The following TOX variants were observed in gnomAD, a reference collection of about 807,000 sequenced individuals.
TOX encodes thymocyte selection associated high mobility group box, also known as thymocyte selection-associated high mobility group box protein TOX.
TOX carries 11 observed loss-of-function variants against 53.7 expected under a neutral mutation model. That is an observed-to-expected ratio of 0.20 (90% CI 0.13 to 0.34). The LOEUF is 0.34. TOX is among the 10% of genes least tolerant of loss of function. TOX has a pLI of 1.00. For missense variants in TOX, 570 were observed against 664.6 expected (o/e 0.86, Z 1.56); for synonymous variants, 225 against 245.3 (o/e 0.92, Z 0.77).
In TOX at chr8:59,005,529, A is replaced by G. The variant is rs1190821669; in HGVS notation, c.103-45521T>C. 2.0e-5 allele frequency among the ~76,000 whole-genome samples: 3 copies of G among 152,348 alleles called. No homozygotes were observed. The East Asian group carries it at 5.8e-4, about 29-fold the overall frequency. On this transcript the variant is annotated intron_variant, in intron 1 of 8. Coordinates refer to ENST00000361421, the MANE Select transcript of TOX (RefSeq NM_014729.3). Reference sequence around the variant, plus strand: ...GGGATTTTACTTATCACACTGTTACATTTGTTAAAATAGTAGCACATTAAC... The same window carrying G: ...GGGATTTTACTTATCACACTGTTACGTTTGTTAAAATAGTAGCACATTAAC...
rs573519589 is a variant in TOX at position 58,912,591 on chromosome 8, A to C, written c.411+26711T>G. On this transcript the variant is annotated intron_variant, in intron 3 of 8. Transcript: ENST00000361421. ...TCCCAACAACCAGAATTTCTGATTG[A>C]AAAGGTCTGGGATAGGACCTAAGAA... Among the ~76,000 whole-genome samples, 5 of 152,374 alleles carry C rather than the reference A, an allele frequency of 3.3e-5. No individual in the cohort carries two copies. The South Asian group carries it at 1.0e-3, about 32-fold the overall frequency.
rs2129163551 is a variant in TOX, at chr8:58,808,333, A to G, written c.1393-64T>C. The G allele has an allele frequency of 2.6e-6, 4 of 1,544,906 alleles. No homozygotes were observed. The Admixed American group carries it at 7.7e-5, about 30-fold the overall frequency. ...GCATTTTAAGAAGAAAAGCACCTAA[A>G]TATTTATTCATTCTTTGCAGACACA... On this transcript the variant is annotated intron_variant, in intron 7 of 8. Coordinates refer to ENST00000361421, the MANE Select transcript of TOX (RefSeq NM_014729.3).
intron 1 of TOX, among the ~76,000 whole-genome samples, chr8:59,018,085 T>G (rs952782099): frequency 5.9e-5 from 9 of 152,154 alleles, no homozygotes; most frequent in African/African-American, 2.2e-4. Context: ...TTACTTTTAT[T>G]TAGGACCATA....
chr8:58,839,351 C>T (rs547012474), intron 4 of TOX, among the ~76,000 whole-genome samples: 6 of 152,164 alleles, frequency 3.9e-5, no homozygotes, highest in Admixed American at 6.5e-5. Flanking sequence ...TCGGAGAGTG[C>T]ACCTCCAGAA....
chr8:59,050,917 G>T (rs1803777680), intron 1 of TOX, among the ~76,000 whole-genome samples: 1 of 152,124 alleles, frequency 6.6e-6, no homozygotes, highest in African/African-American at 2.4e-5. Context: ...TTGCTTTGAA[G>T]ATCAATTATT....
chr8:58,993,622 C>A (rs540846660), intron 1 of TOX, among the ~76,000 whole-genome samples: 1 of 152,278 alleles, frequency 6.6e-6, no homozygotes, highest in South Asian at 2.1e-4. Flanking sequence ...AGAGGTAAGA[C>A]CTGATGGAGC....
At chr8:58,976,136 A>G (rs1038699467) in intron 1 of TOX, among the ~76,000 whole-genome samples, 1 of 152,154 alleles carries the variant, frequency 6.6e-6, no homozygotes, top group African/African-American at 2.4e-5. Context: ...ATTTCTCTGC[A>G]GCATGTGATG....
chr8:58,851,299 T>C lies in TOX; in HGVS notation c.693+225A>G, dbSNP rs1229557754. Among the ~76,000 whole-genome samples the C allele has an allele frequency of 6.6e-6, 1 of 152,050 alleles. No homozygotes were observed. The highest frequency in any genetic ancestry group is 1.5e-5 in the Non-Finnish European group (1 of 68,018). ...ACCTTCTGTGGGCACAAACAACTTT[T>C]ACGCTTAACACATCTATATTTAAAG... is the stretch of plus-strand genomic sequence containing the variant. On this transcript the variant is annotated intron_variant, in intron 4 of 8. Transcript: ENST00000361421. The surrounding 1 kb of genome is among the most constrained non-coding windows in gnomAD (Gnocchi z 4.4).
At chr8:58,827,337 A>G (rs1384499397) in intron 5 of TOX, among the ~76,000 whole-genome samples, 5 of 152,206 alleles carry the variant, frequency 3.3e-5, no homozygotes, top group African/African-American at 4.8e-5. Context: ...GACAGAATTT[A>G]GAGATGACAA....
intron 3 of TOX, among the ~76,000 whole-genome samples, chr8:58,859,836 C>T (rs554297380): frequency 6.6e-6 from 1 of 152,244 alleles, no homozygotes; most frequent in Admixed American, 6.5e-5. Context: ...GGCTAAAAAC[C>T]ATGTCACCAG....
chr8:59,108,704 C>T (rs1243291063), intron 1 of TOX, among the ~76,000 whole-genome samples: 2 of 150,042 alleles, frequency 1.3e-5, no homozygotes, highest in African/African-American at 5.0e-5. Context: ...ACAAGGTTAT[C>T]AAAAGAGTAA....
chr8:58,979,793 A>G (rs956919750), intron 1 of TOX, among the ~76,000 whole-genome samples: 2 of 152,184 alleles, frequency 1.3e-5, no homozygotes, highest in Admixed American at 6.5e-5. Flanking sequence ...TCTACCTCTT[A>G]CTATGTATGT....
At chr8:59,070,395 T>A (rs1461147789) in intron 1 of TOX, among the ~76,000 whole-genome samples, 4 of 152,106 alleles carry the variant, frequency 2.6e-5, no homozygotes, top group South Asian at 4.2e-4. Flanking sequence ...TATCTATGCT[T>A]CTATTTATCA....
intron 3 of TOX, among the ~76,000 whole-genome samples, chr8:58,873,427 C>A (rs1317057689): frequency 1.3e-5 from 2 of 152,120 alleles, no homozygotes; most frequent in Admixed American, 6.6e-5. Context: ...AGTTTCATAT[C>A]TGTTGTCCGT....
intron 1 of TOX, among the ~76,000 whole-genome samples, chr8:59,049,495 CTACAA>C (rs1478550817): frequency 2.0e-4 from 31 of 152,070 alleles, no homozygotes; most frequent in African/African-American, 5.1e-4. Context: ...ATGATCATAT[CTACAA>C]TACATCAAAG....
chr8:58,906,189 A>C (rs1235266503), intron 3 of TOX, among the ~76,000 whole-genome samples: 1 of 152,172 alleles, frequency 6.6e-6, no homozygotes, highest in Non-Finnish European at 1.5e-5. Context: ...TTTTTCAAAC[A>C]CTGTGTTTGG....
chr8:58,984,227 C>T (rs1399691548), intron 1 of TOX, among the ~76,000 whole-genome samples: 1 of 151,964 alleles, frequency 6.6e-6, no homozygotes, highest in Non-Finnish European at 1.5e-5. Context: ...GAAAGGGCAA[C>T]CCACAGAATA....
chr8:59,105,079 A>G (rs955877760), intron 1 of TOX, among the ~76,000 whole-genome samples: 2 of 152,188 alleles, frequency 1.3e-5, no homozygotes, highest in Non-Finnish European at 2.9e-5. Context: ...GTCCCTTATT[A>G]ACAACCCCAA....
chr8:58,915,135 A>G lies in TOX; in HGVS notation c.411+24167T>C, dbSNP rs372830508. The stretch of plus-strand genomic sequence containing the variant: ...CAACGAGGCTGGGGGAGGGGCGCCC[A>G]CCATTGCCCAGGCTTGCTTAGGTAA... On this transcript the variant is annotated intron_variant, in intron 3 of 8. Coordinates refer to ENST00000361421, the MANE Select transcript of TOX (RefSeq NM_014729.3). Among the ~76,000 whole-genome samples, 687 of 149,796 alleles carry G rather than the reference A, an allele frequency of 4.6e-3. 2 individuals are homozygous for G. Among genetic ancestry groups the G allele is most frequent in the African/African-American group, 0.015 (606 of 39,568 alleles).
Sources: allele counts gnomAD v4.1 joint callset (sites outside exome capture counted in the v4.1 genomes callset), GRCh38; gene constraint gnomAD v4.1.1; non-coding constraint Gnocchi (gnomAD v3.1); transcripts MANE v1.5; gene names NCBI Gene and HGNC (gene_info 2026-07-23, HGNC 2026-07-21).